The following DDB1 variants were observed in gnomAD, a reference collection of about 807,000 sequenced individuals.
DDB1 encodes the protein DNA damage-binding protein 1.
A neutral mutation model predicts 133.1 loss-of-function variants in DDB1; 18 were observed. The ratio of observed to expected loss-of-function variants is 0.14; its 90% CI spans 0.09 to 0.20. The LOEUF is 0.20. DDB1 is among the 10% of genes least tolerant of loss of function. The pLI is 1.00. For missense variants in DDB1, 828 were observed against 1,459.2 expected (o/e 0.57, Z 7.05); for synonymous variants, 580 against 550.5 (o/e 1.05, Z -0.75).
chr11:61,322,530 A>G (rs1856199081), intron 8 of DDB1, 118 bp from the exon 9 acceptor site: 4 of 778,610 alleles, frequency 5.1e-6, no homozygotes, highest in African/African-American at 1.7e-5. Flanking sequence ...TGCCATTCTC[A>G]TGTTCCAAGG....
chr11:61,317,404 G>A (rs1399019189), intron 10 of DDB1, among the ~76,000 whole-genome samples: 1 of 151,600 alleles, frequency 6.6e-6, no homozygotes, highest in East Asian at 2.0e-4. Flanking sequence ...GAGCCACCAC[G>A]CCGGGCCAAA....
intron 18 of DDB1, chr11:61,311,101 A>C (rs950841128): frequency 3.3e-5 from 5 of 152,188 alleles, no homozygotes; most frequent in African/African-American, 1.2e-4. Flanking sequence ...AAAATACAAA[A>C]ATTAGCTGGG....
At chr11:61,324,310 G>T in intron 6 of DDB1, 173 bp from the exon 7 acceptor site, 2 of 625,146 alleles carry the variant, frequency 3.2e-6, no homozygotes, top group Non-Finnish European at 2.7e-6. Flanking sequence ...TAGAAAATGG[G>T]GAGCTTTTTT....
At position 61,333,079 on chromosome 11, in the gene DDB1, C is replaced by T. The variant is rs1278986518; in HGVS notation, c.-111G>A. On this transcript the variant is annotated 5_prime_UTR_variant, in exon 1 of 27. Transcript: ENST00000301764. ...GCGCAGCGAACTCCACTGCCGCTGC[C>T]TCCGCCCCAGAGACACGTTGCAGGC... 2 of 1,042,388 alleles carry T rather than the reference C, an allele frequency of 1.9e-6. No homozygotes were observed. The highest frequency in any genetic ancestry group is 2.6e-6 in the Non-Finnish European group (2 of 758,682). The allele number at this position is 1,042,388 out of a possible 1,614,324, so 64.6% of individuals were successfully genotyped here.
chr11:61,324,920 G>A (rs1404402981), intron 6 of DDB1, among the ~76,000 whole-genome samples: 3 of 152,042 alleles, frequency 2.0e-5, no homozygotes, highest in African/African-American at 7.2e-5. Context: ...AGGCTGAGGC[G>A]GATGGATCAC....
chr11:61,304,100 C>T (rs1855845450), intron 21 of DDB1, 65 bp from the exon 22 acceptor site: 5 of 1,573,788 alleles, frequency 3.2e-6, no homozygotes, highest in Non-Finnish European at 3.5e-6. Flanking sequence ...CTCCCCCCAA[C>T]TCTTCGACCC....
chr11:61,311,491 C>G (rs1855971272), intron 18 of DDB1: 3 of 325,132 alleles, frequency 9.2e-6, no homozygotes, highest in Non-Finnish European at 1.1e-5. Flanking sequence ...CTGTCGGACT[C>G]CAAACCCCAT....
In DDB1 at chr11:61,331,654, A is replaced by C; in HGVS notation, c.99T>G (p.Ile33Met). Reference protein sequence around the residue: ...FTSAEDLNLLIAKNTRLEIYV... With the variant: ...FTSAEDLNLLMAKNTRLEIYV... ...AGATCTCTAATCTCGTGTTTTTGGC[A>C]ATCAACAGGTTTAAGTCTTCGGCCG... The change falls in exon 2 of 27, where the codon ATT (isoleucine) becomes ATG (methionine). Residue 33 changes from isoleucine (I) to methionine (M), a missense_variant. By Grantham distance (10) the Ile-to-Met change is conservative. This residue lies in a region of DDB1 where 210 missense variants were observed against 344.8 expected (regional missense o/e 0.61). Coordinates refer to ENST00000301764, the MANE Select transcript of DDB1 (RefSeq NM_001923.5). 3.1e-6 allele frequency: 5 copies of C among 1,614,132 alleles called. No homozygotes were observed. Among genetic ancestry groups the C allele is most frequent in the Non-Finnish European group, 4.2e-6 (5 of 1,180,026 alleles).
At chr11:61,316,090 T>C in intron 12 of DDB1, 195 bp downstream of exon 12, 2 of 504,640 alleles carry the variant, frequency 4.0e-6, no homozygotes. Context: ...AGAAGAAAAA[T>C]AAAGCTAAAA....
chr11:61,312,759 C>T (rs762981049), intron 16 of DDB1, among the ~76,000 whole-genome samples: 22 of 151,922 alleles, frequency 1.4e-4, no homozygotes, highest in South Asian at 2.1e-4. Context: ...CCACCACACC[C>T]GGCTAACTTT....
Position 61,314,439 on chromosome 11 carries a change from C to T in DDB1, c.1458G>A (p.Leu486=). 1.2e-6 allele frequency: 2 copies of T among 1,614,094 alleles called. No individual in the cohort carries two copies. Among genetic ancestry groups the T allele is most frequent in the Non-Finnish European group, 1.7e-6 (2 of 1,179,988 alleles). Reference sequence around the variant, plus strand: ...CCTGAGGCTCCTTCCATTCACTGACCAGAGCTTTGGGTTCTTGAGAGACCA... The same window carrying T: ...CCTGAGGCTCCTTCCATTCACTGACTAGAGCTTTGGGTTCTTGAGAGACCA... ...VRLVSQEPKA[L]VSEWKEPQAK... Residue 486 remains leucine, a synonymous_variant, in exon 13 of 27, where the codon CTG becomes CTA. Transcript: ENST00000301764.
intron 25 of DDB1, chr11:61,301,319 T>C (rs1855789763): frequency 6.3e-6 from 1 of 158,408 alleles, no homozygotes; most frequent in African/African-American, 2.4e-5. Flanking sequence ...CCCAACACTT[T>C]GGGAGGTTGA....
At chr11:61,311,266 CAT>C in intron 18 of DDB1, 1 of 88,760 alleles carries the variant, frequency 1.1e-5, no homozygotes, top group South Asian at 2.7e-4. Flanking sequence ...ACAAACATAA[CAT>C]AACATAACAT....
chr11:61,333,039 G>C lies in DDB1; in HGVS notation c.-71C>G, dbSNP rs1590706006. The C allele has an allele frequency of 2.2e-6, 3 of 1,384,028 alleles. No homozygotes were observed. Among genetic ancestry groups the C allele is most frequent in the Non-Finnish European group, 1.9e-6 (2 of 1,036,986 alleles). The allele number at this position is 1,384,028 out of a possible 1,614,324, so 85.7% of individuals were successfully genotyped here. A position where few individuals can be genotyped will look rare whatever the true frequency, so the allele number is the denominator to read the frequency against. On this transcript the variant is annotated 5_prime_UTR_variant, in exon 1 of 27. Transcript: ENST00000301764. ...AAGAGGGACACAAGCGAAAAGACAGGTGGCCCCCAACAGCGCGCAGCGAAC... is the reference window on the plus strand; with the variant it reads ...AAGAGGGACACAAGCGAAAAGACAGCTGGCCCCCAACAGCGCGCAGCGAAC...
intron 5 of DDB1, 127 bp downstream of exon 5, chr11:61,326,652 G>A (rs1856275334): frequency 7.6e-6 from 6 of 791,486 alleles, no homozygotes; most frequent in East Asian, 2.4e-5. Flanking sequence ...TAAAGGAGTG[G>A]TAAACAATGC....
intron 5 of DDB1, 38 bp from the exon 6 acceptor site, chr11:61,325,746 C>T: frequency 6.4e-7 from 1 of 1,551,490 alleles, no homozygotes; most frequent in Non-Finnish European, 8.9e-7. Flanking sequence ...GCTCAGCACT[C>T]TGGGTCTGCC....
At chr11:61,320,007 G>A (rs990266639) in intron 10 of DDB1, among the ~76,000 whole-genome samples, 1 of 140,248 alleles carries the variant, frequency 7.1e-6, no homozygotes, top group Non-Finnish European at 1.5e-5. Flanking sequence ...TCTTGTTATG[G>A]TAAATTGCCC....
At chr11:61,323,282 C>T in intron 7 of DDB1, 188 bp from the exon 8 acceptor site, 1 of 610,572 alleles carries the variant, frequency 1.6e-6, no homozygotes, top group East Asian at 2.8e-5. Context: ...GATTCTTCAT[C>T]TATTGCATCC....
chr11:61,304,162 TA>T, intron 21 of DDB1, 127 bp from the exon 22 acceptor site: 1 of 902,378 alleles, frequency 1.1e-6, no homozygotes, highest in Non-Finnish European at 1.7e-6. Context: ...GAAACGGTTT[TA>T]TGAGGCACTG....
Sources: allele counts gnomAD v4.1 joint callset (sites outside exome capture counted in the v4.1 genomes callset), GRCh38; gene constraint gnomAD v4.1.1; regional missense constraint gnomAD v4.1.1; transcripts MANE v1.5; gene names NCBI Gene and HGNC (gene_info 2026-07-23, HGNC 2026-07-21).